Variants in GGH observed in about 807,000 individuals in gnomAD.
GGH encodes gamma-Glu-X carboxypeptidase.
GGH carries 18 observed loss-of-function variants against 39.2 expected under a neutral mutation model. The ratio of observed to expected loss-of-function variants is 0.46; its 90% CI spans 0.32 to 0.68. GGH has a LOEUF of 0.68. Ranked by LOEUF, GGH falls within the 30% of genes least tolerant of loss-of-function variation. GGH has a pLI of 0.04. For synonymous variants in GGH, 147 were observed against 138.8 expected (o/e 1.06, Z -0.42); for missense variants, 367 against 384.1 (o/e 0.96, Z 0.37).
rs1388114167 is a variant in GGH, at chr8:63,035,616, T to C, written c.224+40A>G. On this transcript the variant is annotated intron_variant, in intron 2 of 8. Transcript: ENST00000260118. ...CACCGCACCCGTACGCAGCAATTTT[T>C]TATACAGAGTAAAAAAAAAAAAAAA... 5.1e-6 allele frequency: 8 copies of C among 1,568,886 alleles called. No homozygotes were observed. The South Asian group carries it at 9.6e-5, about 19-fold the overall frequency.
rs932614251 is a variant in GGH at position 63,025,736 on chromosome 8, G to GA, written c.499+421dup. ...ACAGAGAGAGACTCTGTCTTAAAAAGAAAAAAAAAAATCTTATTTAATATT... is the reference window on the plus strand; with the variant it reads ...ACAGAGAGAGACTCTGTCTTAAAAAGAAAAAAAAAAAATCTTATTTAATATT... On this transcript the variant is annotated intron_variant, in intron 5 of 8. Coordinates refer to ENST00000260118, the MANE Select transcript of GGH (RefSeq NM_003878.3). Among the ~76,000 whole-genome samples, 564 of 143,122 alleles carry GA rather than the reference G, an allele frequency of 3.9e-3. 4 individuals are homozygous for GA. Among genetic ancestry groups the GA allele is most frequent in the African/African-American group, 0.014 (531 of 39,044 alleles). 93.9% of individuals were successfully genotyped at this position (143,122 alleles called of 152,430 possible).
chr8:63,027,580 T>A (rs2736683), intron 3 of GGH, among the ~76,000 whole-genome samples: 31,784 of 152,004 alleles, frequency 0.21, 4,240 homozygotes, highest in South Asian at 0.34. Flanking sequence ...GAGCTAGACA[T>A]CAAAGACAGA....
At position 63,017,638 on chromosome 8, in the gene GGH, AAG is replaced by A. The variant is rs770861598; in HGVS notation, c.698-10_698-9del. On this transcript the variant is annotated splice_polypyrimidine_tract_variant and intron_variant, in intron 7 of 8. Transcript: ENST00000260118. Reference sequence around the variant, plus strand: ...ATACTGGATACTTATATCCTGTAAGAAGAACACAAATTAGTAAGTACTAAGAA... The same window carrying A: ...ATACTGGATACTTATATCCTGTAAGAAACACAAATTAGTAAGTACTAAGAA... 17 of 1,541,790 alleles carry A rather than the reference AAG, an allele frequency of 1.1e-5. No individual in the cohort carries two copies. Among genetic ancestry groups the A allele is most frequent in the African/African-American group, 6.9e-5 (5 of 72,466 alleles).
intron 7 of GGH, among the ~76,000 whole-genome samples, chr8:63,021,692 T>TTTTTTTA (rs1804588891): frequency 2.3e-5 from 3 of 132,472 alleles, no homozygotes; most frequent in Non-Finnish European, 4.9e-5. Flanking sequence ...TTTTTTTTTT[T>TTTTTTTA]GAGGCAGAGT....
At chr8:63,038,560 T>A in intron 1 of GGH, 100 bp downstream of exon 1, 1 of 589,460 alleles carries the variant, frequency 1.7e-6, no homozygotes, top group Non-Finnish European at 2.8e-6. Flanking sequence ...CTGGGGGTTT[T>A]TCCCGGCGGG....
intron 7 of GGH, among the ~76,000 whole-genome samples, chr8:63,021,830 C>G (rs556078776): frequency 6.6e-6 from 1 of 151,918 alleles, no homozygotes; most frequent in Admixed American, 6.6e-5. Flanking sequence ...TGCGCCACCA[C>G]GCCTGGCTAA....
At chr8:63,021,450 C>T (rs1242455212) in intron 7 of GGH, among the ~76,000 whole-genome samples, 2 of 152,146 alleles carry the variant, frequency 1.3e-5, no homozygotes, top group East Asian at 3.9e-4. Context: ...GTTTTCCAAT[C>T]GTAAGTGCAT....
chr8:63,038,642 C>G lies in GGH; in HGVS notation c.109+18G>C. ...CCAGCTCCTCCCCGTCTGCTGCGGC[C>G]CCGCACAGCCTCCTTACCGATGATG... On this transcript the variant is annotated intron_variant, in intron 1 of 8. Transcript: ENST00000260118. 1 of 1,385,034 alleles carries G rather than the reference C, an allele frequency of 7.2e-7. No individual in the cohort carries two copies. Among genetic ancestry groups the G allele is most frequent in the Non-Finnish European group, 9.8e-7 (1 of 1,018,776 alleles). 85.8% of individuals were successfully genotyped at this position (1,385,034 alleles called of 1,614,324 possible).
chr8:63,023,351 G>C (rs902255760), intron 7 of GGH, among the ~76,000 whole-genome samples: 2 of 152,126 alleles, frequency 1.3e-5, no homozygotes, highest in African/African-American at 4.8e-5. Flanking sequence ...CTGTAGGGGG[G>C]ATTTTAGGTG....
At position 63,035,714 on chromosome 8, in the gene GGH, T is replaced by C; in HGVS notation, c.166A>G (p.Ile56Val). 6.2e-7 allele frequency: 1 copy of C among 1,613,734 alleles called. No individual in the cohort carries two copies. The highest frequency in any genetic ancestry group is 1.1e-5 in the South Asian group (1 of 91,000). ...KVMKNYGRYY[I>V]AASYVKYLES... ...AAGTACTTTACATAGGACGCAGCAATATAGTATCTTCCATAGTTTTTCATG... is the reference window on the plus strand; with the variant it reads ...AAGTACTTTACATAGGACGCAGCAACATAGTATCTTCCATAGTTTTTCATG... Residue 56 changes from isoleucine (I) to valine (V), a missense_variant, in exon 2 of 9, where the codon ATT becomes GTT. Ile to Val is a conservative substitution (Grantham distance 29, BLOSUM62 3). Coordinates refer to ENST00000260118, the MANE Select transcript of GGH (RefSeq NM_003878.3).
chr8:63,038,783 C>A lies in GGH; in HGVS notation c.-15G>T. ...GGACTGGCCATGGCGCTCGCCGCCT[C>A]CCGCCGCCTTTCAAAAGCTCTGCGG... On this transcript the variant is annotated 5_prime_UTR_variant, in exon 1 of 9. Coordinates refer to ENST00000260118, the MANE Select transcript of GGH (RefSeq NM_003878.3). The A allele has an allele frequency of 6.8e-7, 1 of 1,473,352 alleles. No individual in the cohort carries two copies. Among genetic ancestry groups the A allele is most frequent in the Non-Finnish European group, 9.1e-7 (1 of 1,101,570 alleles). 91.3% of individuals were successfully genotyped at this position (1,473,352 alleles called of 1,614,324 possible). A position where few individuals can be genotyped will look rare whatever the true frequency, so the allele number is the denominator to read the frequency against.
At chr8:63,015,983 A>G (rs1804481784) in intron 8 of GGH, among the ~76,000 whole-genome samples, 1 of 152,196 alleles carries the variant, frequency 6.6e-6, no homozygotes, top group Non-Finnish European at 1.5e-5. Flanking sequence ...ATGCTACAAG[A>G]GTAAAAAAGA....
At chr8:63,031,606 G>A (rs138144185) in intron 2 of GGH, among the ~76,000 whole-genome samples, 85 of 152,218 alleles carry the variant, frequency 5.6e-4, no homozygotes, top group African/African-American at 2.0e-3. Context: ...GCCAGCTAGC[G>A]GTGCAAGCTA....
chr8:63,021,749 C>A (rs1804590262), intron 7 of GGH, among the ~76,000 whole-genome samples: 1 of 143,974 alleles, frequency 6.9e-6, no homozygotes, highest in South Asian at 2.3e-4. Flanking sequence ...TCTCAGCTCA[C>A]TGAAACCTCC....
intron 1 of GGH, among the ~76,000 whole-genome samples, chr8:63,038,196 A>G (rs542237357): frequency 3.9e-5 from 6 of 152,386 alleles, no homozygotes; most frequent in Non-Finnish European, 8.8e-5. Context: ...ACTGAACATG[A>G]CAAAATCCAA....
chr8:63,017,246 C>G, intron 8 of GGH: 1 of 395,132 alleles, frequency 2.5e-6, no homozygotes, highest in South Asian at 5.5e-5. Flanking sequence ...ATTCTTCACA[C>G]TGTTGTTCAA....
intron 1 of GGH, among the ~76,000 whole-genome samples, chr8:63,038,189 G>C (rs1022767824): frequency 6.6e-6 from 1 of 152,170 alleles, no homozygotes; most frequent in Non-Finnish European, 1.5e-5. Context: ...CTCTGCTACT[G>C]AACATGACAA....
chr8:63,033,171 T>TATAG (rs560299646), intron 2 of GGH, among the ~76,000 whole-genome samples: 67 of 152,362 alleles, frequency 4.4e-4, no homozygotes, highest in Non-Finnish European at 8.4e-4. Flanking sequence ...CCAAAACATG[T>TATAG]ATAGCTTCCT....
rs560446679 is a variant in GGH at position 63,016,204 on chromosome 8, T to C, written c.836-751A>G. Among the ~76,000 whole-genome samples, 16 of 152,294 alleles carry C rather than the reference T, an allele frequency of 1.1e-4. No homozygotes were observed. The South Asian group carries it at 1.9e-3, about 18-fold the overall frequency. ...GAATGTTGGAAGATAAAAGACCACA[T>C]AGACCAAATGCCACATGACTACTAC... is the stretch of plus-strand genomic sequence containing the variant. On this transcript the variant is annotated intron_variant, in intron 8 of 8. Transcript: ENST00000260118.
Sources: allele counts gnomAD v4.1 joint callset (sites outside exome capture counted in the v4.1 genomes callset), GRCh38; gene constraint gnomAD v4.1.1; transcripts MANE v1.5; gene names NCBI Gene and HGNC (gene_info 2026-07-23, HGNC 2026-07-21).